Variants in PHF14 observed in about 807,000 individuals in gnomAD.
PHF14 encodes the protein PHD finger protein 14.
A neutral mutation model predicts 117.9 loss-of-function variants in PHF14; 55 were observed. That is an observed-to-expected ratio of 0.47 (90% CI 0.38 to 0.58). The LOEUF is 0.58. Ranked by LOEUF, PHF14 falls within the 20% of genes least tolerant of loss-of-function variation. The pLI is 0.00. For missense variants in PHF14, 978 were observed against 1,122.2 expected, an observed-to-expected ratio of 0.87 and a Z score of 1.84; for synonymous variants, 409 against 368.6, an observed-to-expected ratio of 1.11 and a Z score of -1.26.
chr7:10,981,134 T>C (rs1782031437), intron 2 of PHF14, among the ~76,000 whole-genome samples: 1 of 152,200 alleles, frequency 6.6e-6, no homozygotes, highest in Non-Finnish European at 1.5e-5. Context: ...TACCAGATAC[T>C]AATTACAGAC....
chr7:11,102,483 T>C, intron 16 of PHF14: 1 of 1,608,838 alleles, frequency 6.2e-7, no homozygotes, highest in Non-Finnish European at 8.5e-7. Context: ...CTTTACTGTG[T>C]AGATACCCTT....
At chr7:11,136,381 T>A (rs1788221302) in intron 17 of PHF14, among the ~76,000 whole-genome samples, 1 of 152,212 alleles carries the variant, frequency 6.6e-6, no homozygotes, top group Admixed American at 6.5e-5. Flanking sequence ...TGTTTTTATC[T>A]CTTTATTTTA....
chr7:10,974,692 A>G (rs959637710), intron 1 of PHF14, 143 bp from the exon 2 acceptor site: 16 of 615,952 alleles, frequency 2.6e-5, no homozygotes, highest in Admixed American at 2.4e-4. Context: ...CTGCACCCCA[A>G]CCTTCTCCTG....
In PHF14 at chr7:11,129,351, T is replaced by C. The variant is rs924836006; in HGVS notation, c.2772+17884T>C. ...TCAGCAAGTTTAAAATCATATTCTT[T>C]CTTAGATTATTTTCTTATGTAGTTC... On this transcript the variant is annotated intron_variant, in intron 17 of 17. Transcript: ENST00000634607. Among the ~76,000 whole-genome samples, 3 of 152,040 alleles carry C rather than the reference T, an allele frequency of 2.0e-5. No homozygotes were observed. In the East Asian group the frequency reaches 5.8e-4, roughly 29 times the overall value.
At chr7:11,035,313 T>TG (rs1162856993) in intron 7 of PHF14, among the ~76,000 whole-genome samples, 4 of 152,064 alleles carry the variant, frequency 2.6e-5, no homozygotes, top group Non-Finnish European at 2.9e-5. Context: ...TTGGTATCCT[T>TG]GGGGGGTCCT....
chr7:11,017,895 G>A (rs1783587829), intron 5 of PHF14, among the ~76,000 whole-genome samples: 1 of 152,154 alleles, frequency 6.6e-6, no homozygotes, highest in Admixed American at 6.5e-5. Context: ...CATAGTTTGA[G>A]GTCTTAGATT....
At chr7:10,982,306 CGTT>C (rs951793614) in intron 2 of PHF14, 63 bp from the exon 3 acceptor site, 6 of 1,014,470 alleles carry the variant, frequency 5.9e-6, no homozygotes, top group African/African-American at 1.7e-5. Flanking sequence ...TTTGTGTCAG[CGTT>C]GTGTGTGTGT....
At chr7:11,080,451 TCA>T (rs1368580637) in intron 16 of PHF14, among the ~76,000 whole-genome samples, 2 of 152,142 alleles carry the variant, frequency 1.3e-5, no homozygotes, top group African/African-American at 4.8e-5. Context: ...TTGAAGTTTC[TCA>T]GTCAGTATGG....
intron 16 of PHF14, chr7:11,106,650 C>T (rs186974424): frequency 3.1e-6 from 3 of 982,382 alleles, no homozygotes; most frequent in South Asian, 4.7e-5. Flanking sequence ...AATGAAAGAA[C>T]TCATCGCTAC....
chr7:11,056,529 G>A (rs1425753540), intron 14 of PHF14, among the ~76,000 whole-genome samples: 1 of 151,788 alleles, frequency 6.6e-6, no homozygotes, highest in East Asian at 1.9e-4. Flanking sequence ...TTGACCAAAG[G>A]GAAAGCACTC....
At chr7:11,153,564 A>G (rs144286295) in intron 17 of PHF14, among the ~76,000 whole-genome samples, 271 of 152,226 alleles carry the variant, frequency 1.8e-3, no homozygotes, top group South Asian at 6.6e-3. Context: ...ATCATAAAGT[A>G]GTTGGCATTT....
chr7:11,015,821 ATT>A (rs200930490), intron 5 of PHF14, among the ~76,000 whole-genome samples: 10 of 131,236 alleles, frequency 7.6e-5, no homozygotes, highest in East Asian at 4.5e-4. Context: ...TCATGCATAG[ATT>A]TTTTTTTTTT....
At chr7:11,133,200 C>G (rs928202736) in intron 17 of PHF14, among the ~76,000 whole-genome samples, 1 of 151,862 alleles carries the variant, frequency 6.6e-6, no homozygotes, top group Non-Finnish European at 1.5e-5. Context: ...TTTTGACAAA[C>G]TGATTCTCAA....
chr7:10,983,270 C>T (rs533850972), intron 3 of PHF14, 111 bp downstream of exon 3: 2 of 1,231,890 alleles, frequency 1.6e-6, no homozygotes, highest in African/African-American at 3.0e-5. Flanking sequence ...TTATAGACGG[C>T]TGTGGGATGA....
At chr7:11,018,804 C>T (rs981950609) in intron 5 of PHF14, among the ~76,000 whole-genome samples, 4 of 152,136 alleles carry the variant, frequency 2.6e-5, no homozygotes, top group African/African-American at 7.2e-5. Flanking sequence ...GACAGTGGGC[C>T]TGCTTGTCGT....
At chr7:11,094,739 T>A (rs1382114103) in intron 16 of PHF14, among the ~76,000 whole-genome samples, 4 of 152,112 alleles carry the variant, frequency 2.6e-5, no homozygotes, top group Non-Finnish European at 5.9e-5. Flanking sequence ...CTTTAAAATT[T>A]ATAACTGAAT....
At chr7:11,089,672 A>C (rs1583455603) in intron 16 of PHF14, among the ~76,000 whole-genome samples, 1 of 152,196 alleles carries the variant, frequency 6.6e-6, no homozygotes, top group East Asian at 1.9e-4. Flanking sequence ...GAAGAGGAGA[A>C]AGTTAGAATG....
chr7:11,033,619 G>T (rs907436464), intron 7 of PHF14, among the ~76,000 whole-genome samples: 2 of 152,178 alleles, frequency 1.3e-5, no homozygotes, highest in African/African-American at 4.8e-5. Context: ...AATGGATATT[G>T]TAAGACAATT....
chr7:11,132,419 T>A (rs1788116289), intron 17 of PHF14, among the ~76,000 whole-genome samples: 1 of 151,720 alleles, frequency 6.6e-6, no homozygotes, highest in Admixed American at 6.6e-5. Flanking sequence ...TTGTGGCAGA[T>A]GGCGAGATCT....
Sources: gnomAD v4.1 joint callset for allele counts (sites outside exome capture counted in the v4.1 genomes callset) on GRCh38, gnomAD v4.1.1 for gene constraint, MANE v1.5 for transcripts, NCBI Gene and HGNC (gene_info 2026-07-23, HGNC 2026-07-21) for gene names.